The following CACNA1E variants were observed in gnomAD, a reference collection of about 807,000 sequenced individuals.
The protein encoded by CACNA1E is calcium voltage-gated channel subunit alpha1 E, also known as voltage-dependent R-type calcium channel subunit alpha-1E.
In CACNA1E, 40 loss-of-function variants were observed where a neutral mutation model predicts 259.2. The observed-to-expected ratio is 0.15, with a 90% CI of 0.12 to 0.20. CACNA1E has a LOEUF of 0.20. Among genes scored for constraint, CACNA1E ranks in the 10% least tolerant of loss-of-function variants. The pLI, the probability that CACNA1E is intolerant of heterozygous loss-of-function variation, is 1.00. For synonymous variants in CACNA1E, 1,104 were observed against 1,138.5 expected, an observed-to-expected ratio of 0.97 and a Z score of 0.61; for missense variants, 1,874 against 3,040.1, an observed-to-expected ratio of 0.62 and a Z score of 9.02.
rs774181342 is a variant in CACNA1E, at chr1:181,784,710, A to G, written c.5520A>G (p.Leu1840=). The G allele has an allele frequency of 6.3e-7, 1 of 1,590,192 alleles. No homozygotes were observed. Among genetic ancestry groups the G allele is most frequent in the Non-Finnish European group, 8.6e-7 (1 of 1,168,020 alleles). The change falls in exon 41 of 48, where the codon CTA becomes CTG. Residue 1840 remains leucine (L), a synonymous_variant. Coordinates refer to ENST00000367573, the MANE Select transcript of CACNA1E (RefSeq NM_001205293.3). ...ACTCAGAGCTACAAAAGGAGACCCT[A>G]GCCATCTGGCCTCACCTATCCCAGA... is the stretch of plus-strand genomic sequence containing the variant. ...QLDSELQKET[L]AIWPHLSQKM...
intron 7 of CACNA1E, among the ~76,000 whole-genome samples, chr1:181,677,109 C>T (rs1255331942): frequency 6.6e-6 from 1 of 151,814 alleles, no homozygotes; most frequent in Non-Finnish European, 1.5e-5. Flanking sequence ...GGGACAGTGC[C>T]CTGTAATAGG....
At position 181,806,435 on chromosome 1, in the gene CACNA1E, A is replaced by T. The variant is rs898305946; in HGVS notation, c.*7601A>T. ...AGCATGTAAGATGAGATCAGGAGGGAAATTGGGTGCTCTGCCTCAGGCTGT... is the reference window on the plus strand; with the variant it reads ...AGCATGTAAGATGAGATCAGGAGGGTAATTGGGTGCTCTGCCTCAGGCTGT... On this transcript the variant is annotated 3_prime_UTR_variant, in exon 48 of 48. Coordinates refer to ENST00000367573, the MANE Select transcript of CACNA1E (RefSeq NM_001205293.3). The T allele has an allele frequency of 6.6e-6, 1 of 152,190 alleles. No individual in the cohort carries two copies. Among genetic ancestry groups the T allele is most frequent in the Non-Finnish European group, 1.5e-5 (1 of 68,066 alleles). The allele number at this position is 152,190 out of a possible 1,614,324, so 9.4% of individuals were successfully genotyped here. A position where few individuals can be genotyped will look rare whatever the true frequency, so the allele number is the denominator to read the frequency against.
chr1:181,800,712 G>A lies in CACNA1E; in HGVS notation c.*1878G>A. ...CCAGAGTTGTTATTTTTCTTAGAAG[G>A]AGCCTCTTTTCCCTCTATTTTTTAA... On this transcript the variant is annotated 3_prime_UTR_variant, in exon 48 of 48. Coordinates refer to ENST00000367573, the MANE Select transcript of CACNA1E (RefSeq NM_001205293.3). 1 of 152,740 alleles carries A rather than the reference G, an allele frequency of 6.5e-6. No individual in the cohort carries two copies. Among genetic ancestry groups the A allele is most frequent in the Non-Finnish European group, 1.5e-5 (1 of 68,062 alleles). The allele number at this position is 152,740 out of a possible 1,614,324, so 9.5% of individuals were successfully genotyped here.
rs926920885 is a variant in CACNA1E at position 181,643,860 on chromosome 1, G to C, written c.952-7478G>C. ...TCTGAATGACCAGAATGTGTGGGAA[G>C]CCTTGCTTACTCATAACGGCCCCTG... On this transcript the variant is annotated intron_variant, in intron 6 of 47. Coordinates refer to ENST00000367573, the MANE Select transcript of CACNA1E (RefSeq NM_001205293.3). 2.2e-4 allele frequency among the ~76,000 whole-genome samples: 34 copies of C among 152,198 alleles called. 1 individual carries two copies.
chr1:181,432,020 C>A (rs1230667014), intron 2 of CACNA1E, among the ~76,000 whole-genome samples: 1 of 152,182 alleles, frequency 6.6e-6, no homozygotes, highest in East Asian at 1.9e-4. Flanking sequence ...CGCCGATCGA[C>A]CAAGTGGCAG....
chr1:181,755,272 T>C lies in CACNA1E; in HGVS notation c.3864T>C (p.Asn1288=). The change falls in exon 28 of 48, where the codon AAT becomes AAC. Residue 1288 remains asparagine, a synonymous_variant. Coordinates refer to ENST00000367573, the MANE Select transcript of CACNA1E (RefSeq NM_001205293.3). The part of the protein sequence containing the change: ...VFDCVVTSLK[N]VFNILIVYKL... ...ACTGCGTAGTGACCTCCTTGAAGAA[T>C]GTCTTCAACATACTCATTGTGTACA... The C allele has an allele frequency of 6.2e-7, 1 of 1,613,524 alleles. No individual in the cohort carries two copies. Among genetic ancestry groups the C allele is most frequent in the East Asian group, 2.2e-5 (1 of 44,874 alleles).
intron 6 of CACNA1E, among the ~76,000 whole-genome samples, chr1:181,600,559 A>G (rs1653640653): frequency 6.6e-6 from 1 of 152,048 alleles, no homozygotes; most frequent in African/African-American, 2.4e-5. Context: ...GGACTTGTTA[A>G]TGGGTTGAAT....
intron 25 of CACNA1E, chr1:181,745,328 G>GT (rs781320995): frequency 1.2e-5 from 6 of 488,346 alleles, no homozygotes; most frequent in African/African-American, 6.0e-5. Flanking sequence ...GAACACCCAA[G>GT]TATTTTTTTT....
upstream of CACNA1E, among the ~76,000 whole-genome samples, chr1:181,481,844 T>C (rs1044639936): frequency 2.0e-5 from 3 of 150,780 alleles, no homozygotes; most frequent in South Asian, 2.1e-4. Context: ...TTTTTTTTTT[T>C]CTACATTAAT....
At chr1:181,606,764 A>G (rs920564365) in intron 6 of CACNA1E, among the ~76,000 whole-genome samples, 2 of 152,168 alleles carry the variant, frequency 1.3e-5, no homozygotes, top group Admixed American at 6.6e-5. Flanking sequence ...TGTCAGAATC[A>G]GCCCCCAACC....
In CACNA1E at chr1:181,731,192, G is replaced by A; in HGVS notation, c.2258G>A (p.Arg753Lys). The change falls in exon 19 of 48, where the codon AGA (arginine) becomes AAA (lysine). Residue 753 changes from arginine (R) to lysine (K), a missense_variant. Coordinates refer to ENST00000367573, the MANE Select transcript of CACNA1E (RefSeq NM_001205293.3). ...MPSIERDRRR[R>K]HHMSMWEPRS... Reference sequence around the variant, plus strand: ...TTCCCCAGAAGAGACAGAAGGAGAAGACACCACATGTCGATGTGGGAGCCA... The same window carrying A: ...TTCCCCAGAAGAGACAGAAGGAGAAAACACCACATGTCGATGTGGGAGCCA... 6.2e-7 allele frequency: 1 copy of A among 1,613,904 alleles called. No individual in the cohort carries two copies. The highest frequency in any genetic ancestry group is 8.5e-7 in the Non-Finnish European group (1 of 1,179,800).
At chr1:181,591,652 T>A (rs934052844) in intron 6 of CACNA1E, among the ~76,000 whole-genome samples, 4 of 152,180 alleles carry the variant, frequency 2.6e-5, no homozygotes, top group African/African-American at 9.6e-5. Context: ...AAAGTTTTAT[T>A]TGAAAAAAGT....
intron 6 of CACNA1E, among the ~76,000 whole-genome samples, chr1:181,600,728 A>G (rs911800624): frequency 6.6e-6 from 1 of 152,168 alleles, no homozygotes; most frequent in Non-Finnish European, 1.5e-5. Context: ...GGAGTGGCCT[A>G]ATTGATGTCT....
intron 7 of CACNA1E, among the ~76,000 whole-genome samples, chr1:181,694,527 G>C (rs1475168533): frequency 1.3e-5 from 2 of 152,168 alleles, no homozygotes; most frequent in East Asian, 3.8e-4. Context: ...TTGATAAAAG[G>C]ATGAATTCAT....
At chr1:181,749,134 A>T (rs142574711) in intron 25 of CACNA1E, among the ~76,000 whole-genome samples, 166 of 152,376 alleles carry the variant, frequency 1.1e-3, no homozygotes, top group African/African-American at 3.6e-3. Flanking sequence ...AATAACCATT[A>T]GAAGTCTTTG....
At chr1:181,538,802 A>C (rs1668363322) in intron 3 of CACNA1E, among the ~76,000 whole-genome samples, 2 of 152,352 alleles carry the variant, frequency 1.3e-5, no homozygotes, top group Non-Finnish European at 1.5e-5. Context: ...AAGTCCTGAG[A>C]ATCTACAAAG....
chr1:181,325,873 G>T (rs7544691), intron 1 of CACNA1E, among the ~76,000 whole-genome samples: 1 of 152,042 alleles, frequency 6.6e-6, no homozygotes, highest in Admixed American at 6.5e-5. Flanking sequence ...TGGTGAGGCC[G>T]GCGCTCCCCT....
At chr1:181,411,943 G>C (rs1194275928) in intron 1 of CACNA1E, among the ~76,000 whole-genome samples, 1 of 152,246 alleles carries the variant, frequency 6.6e-6, no homozygotes, top group Non-Finnish European at 1.5e-5. Context: ...CTAGCAATCA[G>C]GCCTACGCCA....
intron 1 of CACNA1E, among the ~76,000 whole-genome samples, chr1:181,346,251 C>T (rs1238462738): frequency 6.6e-6 from 1 of 152,254 alleles, no homozygotes; most frequent in African/African-American, 2.4e-5. Context: ...GTCATTTTCT[C>T]TGGAAGATTT....
Sources: allele counts gnomAD v4.1 joint callset (sites outside exome capture counted in the v4.1 genomes callset), GRCh38; gene constraint gnomAD v4.1.1; transcripts MANE v1.5; gene names NCBI Gene and HGNC (gene_info 2026-07-23, HGNC 2026-07-21).